The following NFS1 variants were observed in gnomAD, a reference collection of about 807,000 sequenced individuals.
NFS1 encodes the protein NFS1 cysteine desulfurase.
NFS1 carries 26 observed loss-of-function variants against 57.3 expected under a neutral mutation model. That is an observed-to-expected ratio of 0.45 (90% confidence interval 0.33 to 0.63). The LOEUF is 0.63. Among genes scored for constraint, NFS1 ranks in the 20% least tolerant of loss-of-function variants. The pLI, the probability that NFS1 is intolerant of heterozygous loss-of-function variation, is 0.02. For synonymous variants in NFS1, 209 were observed against 216.3 expected (o/e 0.97, Z 0.30); for missense variants, 505 against 605.8 (o/e 0.83, Z 1.75).
intron 5 of NFS1, among the ~76,000 whole-genome samples, chr20:35,686,458 T>C (rs1234544377): frequency 6.6e-6 from 1 of 152,010 alleles, no homozygotes; most frequent in African/African-American, 2.4e-5. Context: ...TGTTGGAAAC[T>C]GTGAATACAT....
chr20:35,689,142 CAT>C (rs2034996504), intron 5 of NFS1, among the ~76,000 whole-genome samples: 1 of 152,204 alleles, frequency 6.6e-6, no homozygotes, highest in Non-Finnish European at 1.5e-5. Flanking sequence ...GCATCCTGCA[CAT>C]GTGGCCAGTG....
At chr20:35,684,440 TAAA>T (rs2034905207) in intron 5 of NFS1, among the ~76,000 whole-genome samples, 1 of 135,652 alleles carries the variant, frequency 7.4e-6, no homozygotes, top group East Asian at 2.4e-4. Context: ...TAAAATAAAA[TAAA>T]ATAAAATAAA....
intron 7 of NFS1, among the ~76,000 whole-genome samples, chr20:35,678,192 C>CAAAAA (rs536417063): frequency 7.4e-6 from 1 of 135,200 alleles, no homozygotes; most frequent in African/African-American, 2.7e-5. Flanking sequence ...TACAAAAATA[C>CAAAAA]AAAAAAAAAA....
At chr20:35,677,285 A>G (rs1275520088) in intron 7 of NFS1, among the ~76,000 whole-genome samples, 2 of 152,152 alleles carry the variant, frequency 1.3e-5, no homozygotes, top group African/African-American at 2.4e-5. Context: ...CAATCCCAGC[A>G]TTCTGGGAGG....
intron 7 of NFS1, 42 bp downstream of exon 7, chr20:35,680,695 C>T: frequency 7.0e-7 from 1 of 1,422,744 alleles, no homozygotes; most frequent in Non-Finnish European, 9.2e-7. Context: ...AAAGGTCTTG[C>T]TGGAAGGTAC....
At chr20:35,696,355 C>T in intron 4 of NFS1, 22 bp downstream of exon 4, 1 of 1,554,678 alleles carries the variant, frequency 6.4e-7, no homozygotes, top group Non-Finnish European at 8.9e-7. Flanking sequence ...CCCACATACA[C>T]CCTCTGGTTC....
intron 5 of NFS1, among the ~76,000 whole-genome samples, chr20:35,682,229 A>G (rs530692961): frequency 6.6e-6 from 1 of 152,332 alleles, no homozygotes; most frequent in East Asian, 1.9e-4. Flanking sequence ...TTTCTCATCA[A>G]ACTAAACATG....
At chr20:35,681,468 C>T (rs754738545) in intron 6 of NFS1, among the ~76,000 whole-genome samples, 3 of 152,170 alleles carry the variant, frequency 2.0e-5, no homozygotes, top group Non-Finnish European at 4.4e-5. Context: ...GAGGCCAAGG[C>T]AGACGGATCA....
chr20:35,677,349 C>G (rs777907331), intron 7 of NFS1, among the ~76,000 whole-genome samples: 5 of 151,740 alleles, frequency 3.3e-5, no homozygotes, highest in Non-Finnish European at 7.4e-5. Flanking sequence ...CTGAGAAACA[C>G]AGTGAGACCC....
intron 4 of NFS1, among the ~76,000 whole-genome samples, chr20:35,691,760 A>G (rs1310485265): frequency 1.3e-5 from 2 of 150,144 alleles, no homozygotes; most frequent in Non-Finnish European, 3.0e-5. Flanking sequence ...AAAAAAAAAA[A>G]AAAAAGAACG....
In NFS1 at chr20:35,669,642, T is replaced by C; in HGVS notation, c.1354A>G (p.Ile452Val). ...MVQDGIDLKS[I>V]KWTQH ...TTCTTCTAGTGTTGGGTCCACTTGATGCTCTTGAGGTCAATGCCATCCTGA... is the reference window on the plus strand; with the variant it reads ...TTCTTCTAGTGTTGGGTCCACTTGACGCTCTTGAGGTCAATGCCATCCTGA... Residue 452 changes from isoleucine to valine, a missense_variant, in exon 13 of 13, where the codon ATC (isoleucine) becomes GTC (valine). Ile to Val is a conservative substitution (Grantham distance 29, BLOSUM62 3). Coordinates refer to ENST00000374092, the MANE Select transcript of NFS1 (RefSeq NM_021100.5). 6.2e-7 allele frequency: 1 copy of C among 1,614,074 alleles called. No homozygotes were observed. The highest frequency in any genetic ancestry group is 8.5e-7 in the Non-Finnish European group (1 of 1,179,942).
chr20:35,675,915 C>T (rs1461725354), intron 7 of NFS1: 1 of 147,268 alleles, frequency 6.8e-6, no homozygotes, highest in African/African-American at 2.5e-5. Context: ...TCTGAACTGA[C>T]ACCATAAAAT....
chr20:35,699,005 C>A lies in NFS1; in HGVS notation c.97+187G>T. The A allele has an allele frequency of 2.3e-6, 3 of 1,324,974 alleles. No individual in the cohort carries two copies. The South Asian group carries it at 6.2e-5, about 28-fold the overall frequency. 82.1% of individuals were successfully genotyped at this position (1,324,974 alleles called of 1,614,324 possible). A position where few individuals can be genotyped will look rare whatever the true frequency, so the allele number is the denominator to read the frequency against. On this transcript the variant is annotated intron_variant, in intron 1 of 12. Transcript: ENST00000374092. This position sits in a 1 kb window ranked among gnomAD's most constrained non-coding sequence, Gnocchi z 4.4. The stretch of plus-strand genomic sequence containing the variant: ...CTCTGGGGGCCTGTCGCGCAGGGTG[C>A]GAGGGGTGGTGCGCCGGGGTCAACC...
chr20:35,697,593 A>G (rs1396829312), intron 3 of NFS1, 91 bp downstream of exon 3: 19 of 756,254 alleles, frequency 2.5e-5, no homozygotes, highest in Non-Finnish European at 3.6e-5. Flanking sequence ...AACCATTTCT[A>G]CCTCCATGCA....
Position 35,699,329 on chromosome 20 carries a change from C to A in NFS1, c.-41G>T, listed in dbSNP as rs544364957. 32 of 1,399,504 alleles carry A rather than the reference C, an allele frequency of 2.3e-5. 1 individual carries two copies. In the East Asian group the frequency reaches 8.5e-4, roughly 37 times the overall value. The allele number at this position is 1,399,504 out of a possible 1,614,324, so 86.7% of individuals were successfully genotyped here. On this transcript the variant is annotated 5_prime_UTR_variant, in exon 1 of 13. Transcript: ENST00000374092. The surrounding 1 kb of genome is among the most constrained non-coding windows in gnomAD (Gnocchi z 4.4). ...GCCCACCTTCCGAAGCCGCTGCAGTCCTGGGCCCCAGGCTCCCGGAAGTGC... is the reference window on the plus strand; with the variant it reads ...GCCCACCTTCCGAAGCCGCTGCAGTACTGGGCCCCAGGCTCCCGGAAGTGC...
At chr20:35,692,581 A>G (rs2035063790) in intron 4 of NFS1, among the ~76,000 whole-genome samples, 1 of 149,264 alleles carries the variant, frequency 6.7e-6, no homozygotes, top group African/African-American at 2.5e-5. Flanking sequence ...GGTGGTACAC[A>G]TCTGTAGTCC....
At position 35,681,955 on chromosome 20, in the gene NFS1, A is replaced by G; in HGVS notation, c.588T>C (p.Asp196=). The G allele has an allele frequency of 1.2e-6, 2 of 1,611,914 alleles. No homozygotes were observed. The highest frequency in any genetic ancestry group is 1.7e-6 in the Non-Finnish European group (2 of 1,178,014). The change falls in exon 6 of 13, where the codon GAT becomes GAC. Residue 196 remains aspartate, a synonymous_variant. Transcript: ENST00000374092. ...CAGTCATGACTGACACCAGGCTAGT[A>G]TCTGGCTGGATAGCAGCCTCTAGTT... ...LKELEAAIQP[D]TSLVSVMTVN...
intron 5 of NFS1, 116 bp from the exon 6 acceptor site, chr20:35,682,097 T>C: frequency 1.9e-6 from 1 of 526,736 alleles, no homozygotes; most frequent in East Asian, 3.0e-5. Context: ...ATCTGAATAG[T>C]TAACTAAAAA....
intron 12 of NFS1, among the ~76,000 whole-genome samples, chr20:35,671,791 G>A (rs2034659443): frequency 2.0e-5 from 3 of 151,548 alleles, no homozygotes; most frequent in Admixed American, 1.3e-4. Context: ...TTGGGAGGCT[G>A]AGGTGGGAGG....
Sources: gnomAD v4.1 joint callset for allele counts (sites outside exome capture counted in the v4.1 genomes callset) on GRCh38, gnomAD v4.1.1 for gene constraint, Gnocchi (gnomAD v3.1) non-coding constraint, MANE v1.5 for transcripts, NCBI Gene and HGNC (gene_info 2026-07-23, HGNC 2026-07-21) for gene names.